ASXL2: variants seen among roughly 807,000 people sequenced by gnomAD.
ASXL2 encodes the protein putative Polycomb group protein ASXL2.
In ASXL2, 23 loss-of-function variants were observed where a neutral mutation model predicts 122.0. The ratio of observed to expected loss-of-function variants is 0.19; its 90% CI spans 0.14 to 0.27. ASXL2 has a LOEUF of 0.27. Ranked by LOEUF, ASXL2 falls within the 10% of genes least tolerant of loss-of-function variation. The probability of loss-of-function intolerance (pLI) is 1.00; values close to 1 mark genes in which losing one functional copy is unlikely to be tolerated. For missense variants in ASXL2, 1,518 were observed against 1,713.8 expected, an observed-to-expected ratio of 0.89 and a Z score of 2.02; for synonymous variants, 650 against 637.0, an observed-to-expected ratio of 1.02 and a Z score of -0.31.
chr2:25,877,471 CTAGGG>C, intron 1 of ASXL2, among the ~76,000 whole-genome samples: 1 of 152,230 alleles, frequency 6.6e-6, no homozygotes. Context: ...ATCCCTTTGG[CTAGGG>C]TAACGTGAAG....
chr2:25,781,959 CTTTT>C lies in ASXL2; in HGVS notation c.404-10423_404-10420del, dbSNP rs1327580113. 3.8e-4 allele frequency among the ~76,000 whole-genome samples: 34 copies of C among 88,400 alleles called. 1 individual carries two copies. Among genetic ancestry groups the C allele is most frequent in the African/African-American group, 1.4e-3 (32 of 22,530 alleles). 58.0% of individuals were successfully genotyped at this position (88,400 alleles called of 152,430 possible). ...TAACAGGCGTGAGCCACCGCCCGGG[CTTTT>C]TTCTTTTTTTTTTTTTTTTTTTGTA... is the stretch of plus-strand genomic sequence containing the variant. On this transcript the variant is annotated intron_variant, in intron 5 of 12. Coordinates refer to ENST00000435504, the MANE Select transcript of ASXL2 (RefSeq NM_018263.6).
intron 4 of ASXL2, among the ~76,000 whole-genome samples, chr2:25,803,973 A>G (rs1374321128): frequency 6.6e-6 from 1 of 151,864 alleles, no homozygotes; most frequent in Non-Finnish European, 1.5e-5. Context: ...GAGAATAGGG[A>G]AAACACTTTG....
At chr2:25,808,304 A>G (rs1328752401) in intron 3 of ASXL2, among the ~76,000 whole-genome samples, 1 of 152,110 alleles carries the variant, frequency 6.6e-6, no homozygotes, top group Non-Finnish European at 1.5e-5. Context: ...CAACACCAAA[A>G]AGGGCAGAAC....
Position 25,806,712 on chromosome 2 carries a change from T to C in ASXL2, c.144-375A>G, listed in dbSNP as rs148584602. On this transcript the variant is annotated intron_variant, in intron 3 of 12. Transcript: ENST00000435504. ...CACAGATTCAAATAAACAGTAATAA[T>C]TCCATTGTATACTGCTGCACCAGAC... is the stretch of plus-strand genomic sequence containing the variant. Among the ~76,000 whole-genome samples, 93 of 152,244 alleles carry C rather than the reference T, an allele frequency of 6.1e-4. 1 individual carries two copies. The highest frequency in any genetic ancestry group is 6.8e-3 in the Middle Eastern group (2 of 294).
At chr2:25,808,506 A>G (rs6749433) in intron 3 of ASXL2, among the ~76,000 whole-genome samples, 3,234 of 151,984 alleles carry the variant, frequency 0.021, 112 homozygotes, top group African/African-American at 0.07. Context: ...TAATTTTTGT[A>G]TTTTCAGTAG....
chr2:25,823,169 T>C (rs965278285), intron 3 of ASXL2, among the ~76,000 whole-genome samples: 2 of 152,226 alleles, frequency 1.3e-5, no homozygotes, highest in Admixed American at 6.5e-5. Flanking sequence ...AATAACCTTA[T>C]GCATGAACAT....
chr2:25,824,025 T>C (rs1405429370), intron 3 of ASXL2, among the ~76,000 whole-genome samples: 1 of 152,212 alleles, frequency 6.6e-6, no homozygotes. Context: ...TAGATGCACT[T>C]TGCAGCAATT....
chr2:25,759,453 T>C, intron 9 of ASXL2, 29 bp downstream of exon 9: 8 of 1,598,590 alleles, frequency 5.0e-6, no homozygotes, highest in Non-Finnish European at 6.0e-6. Flanking sequence ...ACAGCTATTT[T>C]TAAAATCTTA....
chr2:25,779,742 A>G (rs889518563), intron 5 of ASXL2, among the ~76,000 whole-genome samples: 2 of 152,240 alleles, frequency 1.3e-5, no homozygotes, highest in Non-Finnish European at 2.9e-5. Flanking sequence ...TTACTTTCAT[A>G]TAAGTCTAGC....
chr2:25,738,899 T>C lies in ASXL2; in HGVS notation c.*3130A>G, dbSNP rs544784868. 2.0e-5 allele frequency: 3 copies of C among 152,336 alleles called. No individual in the cohort carries two copies. Among genetic ancestry groups the C allele is most frequent in the East Asian group, 3.8e-4 (2 of 5,196 alleles). The allele number at this position is 152,336 out of a possible 1,614,324, so 9.4% of individuals were successfully genotyped here. ...GAAATGTTACATGAAATACCACAGA[T>C]AGCTTCAGTATCTTGAGCATAGGGG... On this transcript the variant is annotated 3_prime_UTR_variant, in exon 13 of 13. Coordinates refer to ENST00000435504, the MANE Select transcript of ASXL2 (RefSeq NM_018263.6).
chr2:25,741,921 C>A lies in ASXL2; in HGVS notation c.*108G>T. 9.1e-7 allele frequency: 1 copy of A among 1,102,650 alleles called. No homozygotes were observed. Among genetic ancestry groups the A allele is most frequent in the Non-Finnish European group, 1.3e-6 (1 of 768,356 alleles). The allele number at this position is 1,102,650 out of a possible 1,614,324, so 68.3% of individuals were successfully genotyped here. On this transcript the variant is annotated 3_prime_UTR_variant, in exon 13 of 13. Transcript: ENST00000435504. ...ATTAAGTAACATTTGTCTCTGAAGA[C>A]AACTGAAACCTACTTGTTTATTTCT...
intron 3 of ASXL2, among the ~76,000 whole-genome samples, chr2:25,809,063 G>A (rs1204778833): frequency 7.9e-5 from 12 of 152,208 alleles, no homozygotes; most frequent in Non-Finnish European, 1.5e-4. Context: ...AAAGTACAAT[G>A]AGATAGCACT....
At chr2:25,811,079 C>CACACAT (rs1269865684) in intron 3 of ASXL2, among the ~76,000 whole-genome samples, 1 of 150,212 alleles carries the variant, frequency 6.7e-6, no homozygotes, top group Non-Finnish European at 1.5e-5. Context: ...CACACACACA[C>CACACAT]ACACACACAC....
intron 5 of ASXL2, among the ~76,000 whole-genome samples, chr2:25,797,578 G>C (rs1574421603): frequency 2.6e-5 from 4 of 152,260 alleles, no homozygotes; most frequent in Non-Finnish European, 5.9e-5. Flanking sequence ...ATAAGTCAAA[G>C]AACTGATGAG....
Position 25,798,991 on chromosome 2 carries a change from A to G in ASXL2, c.403+394T>C, listed in dbSNP as rs187091244. On this transcript the variant is annotated intron_variant, in intron 5 of 12. Coordinates refer to ENST00000435504, the MANE Select transcript of ASXL2 (RefSeq NM_018263.6). ...CCAATGTAGGTTCATCAGCTGTAACAAATATAGCACTCTGGTGGAGAATGT... is the reference window on the plus strand; with the variant it reads ...CCAATGTAGGTTCATCAGCTGTAACGAATATAGCACTCTGGTGGAGAATGT... 1.9e-3 allele frequency among the ~76,000 whole-genome samples: 294 copies of G among 152,290 alleles called. 1 individual carries two copies. The highest frequency in any genetic ancestry group is 6.9e-3 in the African/African-American group (286 of 41,554).
intron 4 of ASXL2, among the ~76,000 whole-genome samples, chr2:25,803,838 C>G (rs141925959): frequency 1.6e-3 from 239 of 152,312 alleles, no homozygotes; most frequent in African/African-American, 5.5e-3. Flanking sequence ...GGGTTCCTAA[C>G]GGGCCACAGA....
intron 1 of ASXL2, among the ~76,000 whole-genome samples, chr2:25,850,067 T>C (rs1418161285): frequency 6.6e-6 from 1 of 152,128 alleles, no homozygotes; most frequent in Non-Finnish European, 1.5e-5. Flanking sequence ...ACATGGCCTA[T>C]CTTGTTTCCT....
At chr2:25,833,251 T>C (rs867719033) in intron 3 of ASXL2, among the ~76,000 whole-genome samples, 5 of 152,206 alleles carry the variant, frequency 3.3e-5, no homozygotes, top group Admixed American at 6.5e-5. Context: ...TTTTGTACAA[T>C]GTTACCATTA....
intron 3 of ASXL2, among the ~76,000 whole-genome samples, chr2:25,832,715 C>T (rs917738353): frequency 2.0e-5 from 3 of 152,142 alleles, no homozygotes; most frequent in Non-Finnish European, 2.9e-5. Context: ...AAAATGTATG[C>T]CCATACAAAA....
Sources: allele counts gnomAD v4.1 joint callset (sites outside exome capture counted in the v4.1 genomes callset), GRCh38; gene constraint gnomAD v4.1.1; transcripts MANE v1.5; gene names NCBI Gene and HGNC (gene_info 2026-07-23, HGNC 2026-07-21).